FARP2: variants seen among roughly 807,000 people sequenced by gnomAD.
FARP2 encodes FERM, ARHGEF and pleckstrin domain-containing protein 2.
Under a neutral mutation model 130.5 loss-of-function variants are expected in FARP2, and 111 were observed. That is an observed-to-expected ratio of 0.85 (90% confidence interval 0.73 to 1.00). FARP2 has a LOEUF of 1.00. Ranked by LOEUF, FARP2 falls within the 50% of genes least tolerant of loss-of-function variation. The pLI, the probability that FARP2 is intolerant of heterozygous loss-of-function variation, is 0.00. For synonymous variants in FARP2, 504 were observed against 516.9 expected (o/e 0.98, Z 0.34); for missense variants, 1,385 against 1,346.3 (o/e 1.03, Z -0.45).
rs1023963984 is a variant in FARP2 at position 241,466,536 on chromosome 2, T to C, written c.1894-1604T>C. The C allele has an allele frequency of 8.0e-5, 79 of 985,420 alleles. No homozygotes were observed. In the African/African-American group the frequency reaches 1.3e-3, roughly 16 times the overall value. 61.0% of individuals were successfully genotyped at this position (985,420 alleles called of 1,614,324 possible). On this transcript the variant is annotated intron_variant, in intron 17 of 26. Transcript: ENST00000264042. Reference sequence around the variant, plus strand: ...GAGGGACCCCAGCCCATCATGGGCATCGGCAGGGCTTGGCCACTTCCACCT... The same window carrying C: ...GAGGGACCCCAGCCCATCATGGGCACCGGCAGGGCTTGGCCACTTCCACCT...
chr2:241,422,260 C>CAAAAAAAAAAAAAAAAAA (rs1198628886), intron 8 of FARP2, among the ~76,000 whole-genome samples: 3 of 91,978 alleles, frequency 3.3e-5, no homozygotes, highest in African/African-American at 4.5e-5. Flanking sequence ...ACTAAAAATA[C>CAAAAAAAAAAAAAAAAAA]AAAAAAAAAA....
Position 241,441,305 on chromosome 2 carries a change from G to A in FARP2, c.1160G>A (p.Ser387Asn), listed in dbSNP as rs1329671243. Residue 387 changes from serine to asparagine, a missense_variant and splice_region_variant, in exon 13 of 27, where the codon AGC (serine) becomes AAC (asparagine). Transcript: ENST00000264042. ...TCTTTTCTTAACTTTGGTTCCCAGA[G>A]CATCTCATTCCCCGAGGGATTGAGG... ...RALTADLPKQSISFPEGLRTP... is the reference protein window; with the variant it reads ...RALTADLPKQNISFPEGLRTP... 18 of 1,574,298 alleles carry A rather than the reference G, an allele frequency of 1.1e-5. No individual in the cohort carries two copies. The highest frequency in any genetic ancestry group is 1.5e-5 in the Non-Finnish European group (17 of 1,159,230).
chr2:241,432,899 T>C (rs933992294), intron 9 of FARP2, among the ~76,000 whole-genome samples: 2 of 152,220 alleles, frequency 1.3e-5, no homozygotes, highest in African/African-American at 4.8e-5. Flanking sequence ...TTAGAGCCTT[T>C]GGGCCAGTCA....
At chr2:241,423,369 T>C (rs951630379) in intron 8 of FARP2, among the ~76,000 whole-genome samples, 1 of 152,166 alleles carries the variant, frequency 6.6e-6, no homozygotes, top group Non-Finnish European at 1.5e-5. Flanking sequence ...CTAAACTTCA[T>C]AAGCAAAACA....
chr2:241,441,699 T>A, intron 13 of FARP2, 143 bp downstream of exon 13: 1 of 1,223,104 alleles, frequency 8.2e-7, no homozygotes, highest in Non-Finnish European at 1.2e-6. Context: ...GGGATGACTT[T>A]ACCACAGGCT....
chr2:241,448,111 G>A (rs1315003091), intron 13 of FARP2, among the ~76,000 whole-genome samples: 1 of 152,194 alleles, frequency 6.6e-6, no homozygotes, highest in Non-Finnish European at 1.5e-5. Context: ...AAACTCATGG[G>A]TCTCCTCAGA....
At chr2:241,468,453 G>A in intron 18 of FARP2, 76 bp downstream of exon 18, 1 of 1,094,366 alleles carries the variant, frequency 9.1e-7, no homozygotes, top group African/African-American at 1.5e-5. Flanking sequence ...TGCCAGACCT[G>A]AAGACTTCCT....
At chr2:241,436,094 A>T (rs995531025) in intron 11 of FARP2, among the ~76,000 whole-genome samples, 2 of 150,516 alleles carry the variant, frequency 1.3e-5, no homozygotes, top group East Asian at 4.0e-4. Flanking sequence ...TTGTATTTTT[A>T]ATAGAGACGG....
intron 13 of FARP2, among the ~76,000 whole-genome samples, chr2:241,450,801 A>C (rs760060415): frequency 6.6e-6 from 1 of 152,016 alleles, no homozygotes; most frequent in Admixed American, 6.6e-5. Flanking sequence ...AATACAAAAC[A>C]ATTAGCCAGG....
chr2:241,366,131 A>ACG (rs1193822209), intron 1 of FARP2, among the ~76,000 whole-genome samples: 31 of 135,944 alleles, frequency 2.3e-4, no homozygotes, highest in African/African-American at 3.0e-4. Context: ...ACGTATATAT[A>ACG]TATATATACA....
At position 241,494,132 on chromosome 2, in the gene FARP2, A is replaced by T; in HGVS notation, c.*7A>T. The stretch of plus-strand genomic sequence containing the variant: ...CAGGGGGAAGGAGGAATGACGCTCA[A>T]CCTGCCCAGGTTTGGACACAACTAC... On this transcript the variant is annotated 3_prime_UTR_variant, in exon 27 of 27. Coordinates refer to ENST00000264042, the MANE Select transcript of FARP2 (RefSeq NM_014808.4). The surrounding 1 kb of genome is among the most constrained non-coding windows in gnomAD (Gnocchi z 4.9). 6.9e-7 allele frequency: 1 copy of T among 1,459,004 alleles called. No individual in the cohort carries two copies. The highest frequency in any genetic ancestry group is 9.1e-7 in the Non-Finnish European group (1 of 1,104,032). 90.4% of individuals were successfully genotyped at this position (1,459,004 alleles called of 1,614,324 possible).
At chr2:241,468,979 G>C (rs916415016) in intron 18 of FARP2, among the ~76,000 whole-genome samples, 1 of 152,210 alleles carries the variant, frequency 6.6e-6, no homozygotes. Flanking sequence ...TCAGGCATGA[G>C]GGGAACATTG....
chr2:241,358,651 A>G (rs1009391050), intron 1 of FARP2, among the ~76,000 whole-genome samples: 10 of 152,312 alleles, frequency 6.6e-5, no homozygotes, highest in East Asian at 5.8e-4. Context: ...TCAGTGCGTC[A>G]TGAGCTTCAT....
chr2:241,407,064 T>C (rs1444149790), intron 4 of FARP2, among the ~76,000 whole-genome samples: 1 of 152,174 alleles, frequency 6.6e-6, no homozygotes, highest in Non-Finnish European at 1.5e-5. Context: ...CCCCTCAGCC[T>C]CCCAAAGTGC....
chr2:241,425,319 A>C (rs2062905622), intron 8 of FARP2, among the ~76,000 whole-genome samples: 1 of 152,212 alleles, frequency 6.6e-6, no homozygotes, highest in African/African-American at 2.4e-5. Context: ...ACAAAAGCAA[A>C]AATTGATAAA....
chr2:241,381,175 C>T (rs1454310311), intron 2 of FARP2, among the ~76,000 whole-genome samples: 1 of 152,138 alleles, frequency 6.6e-6, no homozygotes, highest in Non-Finnish European at 1.5e-5. Context: ...GCTGTGGGCC[C>T]TGTACCTGGC....
At chr2:241,488,491 ACTG>A (rs2064815713) in intron 21 of FARP2, 1 of 142,398 alleles carries the variant, frequency 7.0e-6, no homozygotes, top group African/African-American at 2.7e-5. Context: ...ATCTCGGCTC[ACTG>A]CAAACTCCGC....
chr2:241,368,933 T>C (rs1279816097), intron 1 of FARP2, among the ~76,000 whole-genome samples: 1 of 152,154 alleles, frequency 6.6e-6, no homozygotes, highest in Non-Finnish European at 1.5e-5. Context: ...ACGTTACTAT[T>C]ATGTGACAAC....
At chr2:241,480,767 T>C (rs1351831828) in intron 19 of FARP2, among the ~76,000 whole-genome samples, 2 of 152,182 alleles carry the variant, frequency 1.3e-5, no homozygotes, top group African/African-American at 4.8e-5. Context: ...TTTCTTCTAA[T>C]AGTTTTATGT....
Sources: allele counts gnomAD v4.1 joint callset (sites outside exome capture counted in the v4.1 genomes callset), GRCh38; gene constraint gnomAD v4.1.1; non-coding constraint Gnocchi (gnomAD v3.1); transcripts MANE v1.5; gene names NCBI Gene and HGNC (gene_info 2026-07-23, HGNC 2026-07-21).